TBCEL: variants seen among roughly 807,000 people sequenced by gnomAD.
TBCEL encodes tubulin-specific chaperone cofactor E-like protein.
In TBCEL, 15 loss-of-function variants were observed where a neutral mutation model predicts 44.2. That is an observed-to-expected ratio of 0.34 (90% CI 0.23 to 0.52). The LOEUF (loss-of-function observed/expected upper bound fraction) is 0.52. TBCEL is among the 20% of genes least tolerant of loss of function. The probability of loss-of-function intolerance (pLI) is 0.95; values close to 1 mark genes in which losing one functional copy is unlikely to be tolerated. For missense variants in TBCEL, 319 were observed against 506.3 expected (o/e 0.63, Z 3.55); for synonymous variants, 171 against 185.4 (o/e 0.92, Z 0.63).
intron 8 of TBCEL, among the ~76,000 whole-genome samples, chr11:121,080,910 A>G (rs1001089331): frequency 6.6e-6 from 1 of 152,200 alleles, no homozygotes; most frequent in South Asian, 2.1e-4. Flanking sequence ...TGTGCCATGG[A>G]CCAGGACCTG....
At chr11:121,073,350 A>C (rs1735756853) in intron 8 of TBCEL, among the ~76,000 whole-genome samples, 1 of 151,790 alleles carries the variant, frequency 6.6e-6, no homozygotes, top group Non-Finnish European at 1.5e-5. Context: ...TTTTCTTGCA[A>C]AGGCCTTTGC....
intron 1 of TBCEL, among the ~76,000 whole-genome samples, chr11:121,029,751 G>A (rs1397491321): frequency 1.3e-5 from 2 of 150,314 alleles, no homozygotes; most frequent in Non-Finnish European, 3.0e-5. Context: ...GGAATAATGC[G>A]TTTCCGGTGA....
intron 2 of TBCEL, among the ~76,000 whole-genome samples, chr11:121,039,712 CT>C (rs1474408636): frequency 1.3e-5 from 2 of 152,198 alleles, no homozygotes; most frequent in Non-Finnish European, 2.9e-5. Flanking sequence ...CTCAGGTTGT[CT>C]TGTGAAGAAA....
chr11:121,073,077 C>A (rs1945966936), intron 8 of TBCEL, among the ~76,000 whole-genome samples: 1 of 152,048 alleles, frequency 6.6e-6, no homozygotes, highest in African/African-American at 2.4e-5. Flanking sequence ...TTCCCAATAA[C>A]AGTAAGTTTC....
intron 8 of TBCEL, among the ~76,000 whole-genome samples, chr11:121,068,589 A>G (rs1478511929): frequency 6.6e-6 from 1 of 152,026 alleles, no homozygotes. Flanking sequence ...TTGATTTTTA[A>G]AAAAACAACA....
rs1946265824 is a variant in TBCEL at position 121,089,780 on chromosome 11, T to A, written c.*2684T>A. 1 of 152,184 alleles carries A rather than the reference T, an allele frequency of 6.6e-6. No individual in the cohort carries two copies. The highest frequency in any genetic ancestry group is 2.4e-5 in the African/African-American group (1 of 41,454). 9.4% of individuals were successfully genotyped at this position (152,184 alleles called of 1,614,324 possible). A position where few individuals can be genotyped will look rare whatever the true frequency, so the allele number is the denominator to read the frequency against. ...ATAGTATTGACATTATGAGGCAAAA[T>A]GCTGTCATAGCCAGTATTACTGATA... On this transcript the variant is annotated 3_prime_UTR_variant, in exon 9 of 9. Coordinates refer to ENST00000683345, the MANE Select transcript of TBCEL (RefSeq NM_001363644.2).
Position 121,090,027 on chromosome 11 carries a change from T to C in TBCEL, c.*2931T>C, listed in dbSNP as rs917216552. On this transcript the variant is annotated 3_prime_UTR_variant, in exon 9 of 9. Transcript: ENST00000683345. ...AATGGAAAAAATCCAGAGTCACATA[T>C]CTTTTTTATTATCAAGTTTTTGCAG... is the stretch of plus-strand genomic sequence containing the variant. 6.6e-6 allele frequency: 1 copy of C among 152,156 alleles called. No homozygotes were observed. The allele number at this position is 152,156 out of a possible 1,614,324, so 9.4% of individuals were successfully genotyped here.
chr11:121,080,069 G>T (rs547489871), intron 8 of TBCEL, among the ~76,000 whole-genome samples: 2 of 152,198 alleles, frequency 1.3e-5, no homozygotes, highest in South Asian at 4.1e-4. Context: ...CACCCACCTT[G>T]ACCTCTGAAA....
At chr11:121,031,662 CTTTTTT>C (rs1159376351) in intron 1 of TBCEL, among the ~76,000 whole-genome samples, 1 of 101,866 alleles carries the variant, frequency 9.8e-6, no homozygotes, top group African/African-American at 3.7e-5. Context: ...TTTTTTCTTT[CTTTTTT>C]TTTTTTTTTT....
At chr11:121,055,354 C>CAT in intron 6 of TBCEL, 46 bp downstream of exon 6, 1 of 1,480,784 alleles carries the variant, frequency 6.8e-7, no homozygotes, top group East Asian at 2.4e-5. Context: ...TTAACCTGAG[C>CAT]ATATGCATGA....
intron 4 of TBCEL, among the ~76,000 whole-genome samples, chr11:121,053,018 A>G (rs957647855): frequency 1.3e-5 from 2 of 151,426 alleles, no homozygotes; most frequent in Non-Finnish European, 3.0e-5. Context: ...GAGTAAACAT[A>G]TTTTAAAGTT....
intron 1 of TBCEL, among the ~76,000 whole-genome samples, chr11:121,028,760 C>T (rs1234662909): frequency 6.6e-6 from 1 of 152,138 alleles, no homozygotes; most frequent in African/African-American, 2.4e-5. Flanking sequence ...AAACAAATTG[C>T]TCATATGGTT....
At position 121,062,041 on chromosome 11, in the gene TBCEL, A is replaced by T. The variant is rs180846693; in HGVS notation, c.956+1956A>T. 1.6e-3 allele frequency among the ~76,000 whole-genome samples: 247 copies of T among 152,064 alleles called. 2 individuals are homozygous for T. The highest frequency in any genetic ancestry group is 5.4e-3 in the African/African-American group (223 of 41,532). On this transcript the variant is annotated intron_variant, in intron 8 of 8. Coordinates refer to ENST00000683345, the MANE Select transcript of TBCEL (RefSeq NM_001363644.2). ...AGCATTTTGTTCATATCTTTATTCT[A>T]TAAGCATTATTTTTAAAATTTTATT...
intron 8 of TBCEL, among the ~76,000 whole-genome samples, chr11:121,083,287 G>A (rs1462767783): frequency 6.6e-6 from 1 of 152,140 alleles, no homozygotes; most frequent in Non-Finnish European, 1.5e-5. Context: ...TGAGTGGGAA[G>A]TGGTAATTGA....
At chr11:121,040,698 A>G (rs1945315087) in intron 2 of TBCEL, among the ~76,000 whole-genome samples, 1 of 152,134 alleles carries the variant, frequency 6.6e-6, no homozygotes, top group African/African-American at 2.4e-5. Flanking sequence ...TTAAAAATAG[A>G]AATATTATAA....
In TBCEL at chr11:121,058,449, C is replaced by T; in HGVS notation, c.817C>T (p.Arg273Ter). The change falls in exon 7 of 9, where the codon CGA (arginine) becomes TGA (stop). Residue 273 changes from arginine to a stop codon, truncating the protein, a stop_gained. Transcript: ENST00000683345. LOFTEE classifies it high-confidence loss of function. ...TCTGCAGCCATATACCACCGAGGAG[C>T]GAAGGAAATTGGTAATAGCCAGGTC... ...PLLQPYTTEERRKLVIARLPS... is the reference protein window; with the variant it reads ...PLLQPYTTEE The T allele has an allele frequency of 6.2e-7, 1 of 1,611,414 alleles. No individual in the cohort carries two copies. The highest frequency in any genetic ancestry group is 8.5e-7 in the Non-Finnish European group (1 of 1,178,122).
rs150596097 is a variant in TBCEL at position 121,031,324 on chromosome 11, GTTC to G, written c.-125-5176_-125-5174del. Among the ~76,000 whole-genome samples the G allele has an allele frequency of 2.6e-3, 398 of 152,250 alleles. 1 individual carries two copies. The highest frequency in any genetic ancestry group is 7.0e-3 in the African/African-American group (289 of 41,554). ...CCCACTGGCTACATTGCCAGTTTCT[GTTC>G]TTCTGCATTTTCTCCAACACTTGGT... On this transcript the variant is annotated intron_variant, in intron 1 of 8. Transcript: ENST00000683345.
At chr11:121,046,219 A>G (rs774121901) in intron 3 of TBCEL, among the ~76,000 whole-genome samples, 7 of 152,124 alleles carry the variant, frequency 4.6e-5, no homozygotes, top group Non-Finnish European at 8.8e-5. Flanking sequence ...TGAATGGTAT[A>G]GTGATTTGGA....
chr11:121,067,136 TAAAG>T lies in TBCEL; in HGVS notation c.956+7053_956+7056del, dbSNP rs568644204. On this transcript the variant is annotated intron_variant, in intron 8 of 8. Transcript: ENST00000683345. ...CCCAAAATGTCTTTGAGGTTATGAATAAAGAGCCGACATGATGAGCCGAATGTCC... is the reference window on the plus strand; with the variant it reads ...CCCAAAATGTCTTTGAGGTTATGAATAGCCGACATGATGAGCCGAATGTCC... Among the ~76,000 whole-genome samples the T allele has an allele frequency of 2.0e-5, 3 of 152,332 alleles. No individual in the cohort carries two copies. In the South Asian group the frequency reaches 6.2e-4, roughly 32 times the overall value.
Sources: allele counts gnomAD v4.1 joint callset (sites outside exome capture counted in the v4.1 genomes callset), GRCh38; gene constraint gnomAD v4.1.1; transcripts MANE v1.5; gene names NCBI Gene and HGNC (gene_info 2026-07-23, HGNC 2026-07-21).